RDH13: variants seen among roughly 807,000 people sequenced by gnomAD.
RDH13 encodes the protein retinol dehydrogenase 13 (all-trans and 9-cis).
RDH13 carries 35 observed loss-of-function variants against 28.3 expected under a neutral mutation model. The observed-to-expected ratio is 1.24, with a 90% CI of 0.95 to 1.64. The LOEUF is 1.64. Among genes scored for constraint, RDH13 ranks in the 40% most tolerant of loss-of-function variants. RDH13 has a pLI of 0.00. For missense variants in RDH13, 514 were observed against 446.3 expected (o/e 1.15, Z -1.37); for synonymous variants, 229 against 198.5 (o/e 1.15, Z -1.29).
chr19:55,041,495 A>T (rs1015921447), downstream of RDH13: 2 of 152,082 alleles, frequency 1.3e-5, no homozygotes, highest in Non-Finnish European at 2.9e-5. Flanking sequence ...TTTAGGAAGA[A>T]TATTATCACT....
At chr19:55,055,838 G>A (rs1168206311) in intron 3 of RDH13, among the ~76,000 whole-genome samples, 1 of 151,914 alleles carries the variant, frequency 6.6e-6, no homozygotes. Flanking sequence ...GGGTGACAGA[G>A]ATGGATCCTG....
chr19:55,061,631 A>C (rs1159159727), intron 1 of RDH13, among the ~76,000 whole-genome samples: 1 of 151,722 alleles, frequency 6.6e-6, no homozygotes, highest in Non-Finnish European at 1.5e-5. Context: ...ATCTCTACTA[A>C]AAATACAAAA....
chr19:55,051,730 T>G (rs985297905), intron 3 of RDH13, among the ~76,000 whole-genome samples: 1 of 134,400 alleles, frequency 7.4e-6, no homozygotes, highest in East Asian at 2.1e-4. Context: ...GCCCAGCCTG[T>G]TTTTTTTTTT....
intron 3 of RDH13, chr19:55,051,041 C>A (rs1212801429): frequency 2.0e-5 from 3 of 151,732 alleles, no homozygotes; most frequent in Non-Finnish European, 2.9e-5. Flanking sequence ...AATAACATCA[C>A]CTGCCTGGTA....
At chr19:55,046,245 CAAAAA>C (rs113661219) in intron 6 of RDH13, among the ~76,000 whole-genome samples, 2 of 139,226 alleles carry the variant, frequency 1.4e-5, no homozygotes, top group African/African-American at 2.7e-5. Flanking sequence ...AACTCCGTCT[CAAAAA>C]AAAAAAGACA....
upstream of RDH13, chr19:55,063,167 G>A: frequency 1.3e-6 from 1 of 789,710 alleles, no homozygotes; most frequent in Non-Finnish European, 1.8e-6. Context: ...CTGGGCCCGC[G>A]TCCGGAACTG....
intron 5 of RDH13, chr19:55,047,964 A>G (rs1185741321): frequency 1.9e-6 from 2 of 1,057,354 alleles, no homozygotes; most frequent in Non-Finnish European, 2.6e-6. Flanking sequence ...GCCCAGAGCA[A>G]TCTCTCCCCA....
At chr19:55,058,761 A>G (rs948845176) in intron 2 of RDH13, among the ~76,000 whole-genome samples, 8 of 151,844 alleles carry the variant, frequency 5.3e-5, no homozygotes, top group Non-Finnish European at 7.4e-5. Flanking sequence ...GCTCACTGCA[A>G]CCCCTGCCTC....
rs1654458 is a variant in RDH13, at chr19:55,063,100, G to A, written c.-68C>T. ...AGCTTGCTGCACACCAGCCGCCTGG[G>A]TAGCTCCGAGGAAGAGCGCGCGACG... On this transcript the variant is annotated 5_prime_UTR_variant, in exon 1 of 7. Transcript: ENST00000415061. 0.17 allele frequency: 204,801 copies of A among 1,236,718 alleles called. 18,906 individuals carry two copies. Among genetic ancestry groups the A allele is most frequent in the African/African-American group, 0.36 (23,320 of 63,960 alleles). The allele number at this position is 1,236,718 out of a possible 1,614,324, so 76.6% of individuals were successfully genotyped here. A position where few individuals can be genotyped will look rare whatever the true frequency, so the allele number is the denominator to read the frequency against.
upstream of RDH13, among the ~76,000 whole-genome samples, chr19:55,064,799 G>A (rs532992397): frequency 1.3e-4 from 19 of 149,984 alleles, no homozygotes; most frequent in African/African-American, 4.4e-4. Context: ...TTTTAGTAGA[G>A]ACGGGGTTTC....
chr19:55,049,120 G>T (rs923158306), intron 3 of RDH13, among the ~76,000 whole-genome samples: 1 of 152,150 alleles, frequency 6.6e-6, no homozygotes, highest in Non-Finnish European at 1.5e-5. Flanking sequence ...CAGGGACACC[G>T]CGATTCAGAC....
chr19:55,041,664 T>C (rs2075033706), downstream of RDH13: 1 of 152,224 alleles, frequency 6.6e-6, no homozygotes, highest in Non-Finnish European at 1.5e-5. Flanking sequence ...TCACCCCGGG[T>C]GCCACTTGGG....
At chr19:55,045,378 G>A in intron 6 of RDH13, 69 bp from the exon 7 acceptor site, 4 of 1,280,624 alleles carry the variant, frequency 3.1e-6, no homozygotes, top group Non-Finnish European at 4.4e-6. Flanking sequence ...CCGCTCCCCG[G>A]TCAGGGAGCT....
At chr19:55,045,422 A>G (rs1179059732) in intron 6 of RDH13, 113 bp from the exon 7 acceptor site, 2 of 749,506 alleles carry the variant, frequency 2.7e-6, no homozygotes, top group African/African-American at 3.5e-5. Context: ...GCCCTCCTCT[A>G]GCCCTTTCCC....
intron 6 of RDH13, 99 bp downstream of exon 6, chr19:55,047,288 G>T: frequency 6.6e-7 from 1 of 1,511,086 alleles, no homozygotes; most frequent in Non-Finnish European, 8.8e-7. Context: ...CAGGCATGAG[G>T]CCTCAGGGAC....
rs2075326370 is a variant in RDH13 at position 55,048,717 on chromosome 19, C to G, written c.387G>C (p.Arg129=). The G allele has an allele frequency of 1.2e-6, 2 of 1,613,704 alleles. No individual in the cohort carries two copies. The highest frequency in any genetic ancestry group is 1.7e-5 in the Admixed American group (1 of 59,920). The change falls in exon 4 of 7, where the codon CGG becomes CGC. Residue 129 remains arginine (R), a synonymous_variant. Coordinates refer to ENST00000415061, the MANE Select transcript of RDH13 (RefSeq NM_001145971.2). ...DILINNAGVM[R]CPHWTTEDGF... ...CGTCCTCGGTGGTCCAGTGGGGGCA[C>G]CGCATCACACCCGCGTTGTTGATTA... is the stretch of plus-strand genomic sequence containing the variant.
At chr19:55,045,932 G>T (rs865843932) in intron 6 of RDH13, among the ~76,000 whole-genome samples, 1 of 106,862 alleles carries the variant, frequency 9.4e-6, no homozygotes, top group Non-Finnish European at 1.8e-5. Context: ...GGTGACAATA[G>T]CAAGACTTCG....
At chr19:55,053,183 C>G (rs2075512875) in intron 3 of RDH13, among the ~76,000 whole-genome samples, 1 of 152,192 alleles carries the variant, frequency 6.6e-6, no homozygotes, top group Admixed American at 6.5e-5. Flanking sequence ...GCCGGGATGA[C>G]AGGCGTGAAC....
rs974455125 is a variant in RDH13, at chr19:55,059,337, CTGAA to C, written c.66-66_66-63del. 2.2e-5 allele frequency: 24 copies of C among 1,109,092 alleles called. No homozygotes were observed. In the African/African-American group the frequency reaches 3.1e-4, roughly 14 times the overall value. The allele number at this position is 1,109,092 out of a possible 1,614,324, so 68.7% of individuals were successfully genotyped here. ...CCACTCTCACCCCACGTGCCCCTGA[CTGAA>C]TGATCTCAGGCAACCTTGTCTGAGC... On this transcript the variant is annotated intron_variant, in intron 1 of 6. Transcript: ENST00000415061.
Sources: allele counts gnomAD v4.1 joint callset (sites outside exome capture counted in the v4.1 genomes callset), GRCh38; gene constraint gnomAD v4.1.1; transcripts MANE v1.5; gene names NCBI Gene and HGNC (gene_info 2026-07-23, HGNC 2026-07-21).